ZFAND3: variants seen among roughly 807,000 people sequenced by gnomAD.
ZFAND3 encodes the protein zinc finger AN1-type containing 3.
A neutral mutation model predicts 29.6 loss-of-function variants in ZFAND3; 10 were observed. That is an observed-to-expected ratio of 0.34 (90% CI 0.21 to 0.57). The LOEUF is 0.57. Among genes scored for constraint, ZFAND3 ranks in the 20% least tolerant of loss-of-function variants. ZFAND3 has a pLI of 0.86. For missense variants in ZFAND3, 230 were observed against 304.5 expected (o/e 0.76, Z 1.82); for synonymous variants, 128 against 112.6 (o/e 1.14, Z -0.87).
chr6:37,827,517 G>T (rs1166874018), intron 1 of ZFAND3, among the ~76,000 whole-genome samples: 1 of 152,114 alleles, frequency 6.6e-6, no homozygotes, highest in African/African-American at 2.4e-5. Flanking sequence ...ATGTGATTAG[G>T]GATAAGTGCA....
intron 2 of ZFAND3, among the ~76,000 whole-genome samples, chr6:38,057,028 A>G (rs1207466246): frequency 6.6e-6 from 1 of 152,110 alleles, no homozygotes; most frequent in Middle Eastern, 3.2e-3. Context: ...TGGATATACC[A>G]TTAACTAACT....
chr6:37,961,315 G>A (rs922254419), intron 2 of ZFAND3, among the ~76,000 whole-genome samples: 2 of 152,220 alleles, frequency 1.3e-5, no homozygotes, highest in African/African-American at 4.8e-5. Flanking sequence ...CTTGTGGTTT[G>A]GTTGCCAGCT....
chr6:38,031,417 A>G (rs896446553), intron 2 of ZFAND3, among the ~76,000 whole-genome samples: 2 of 152,196 alleles, frequency 1.3e-5, no homozygotes, highest in South Asian at 2.1e-4. Context: ...TGACCCCACT[A>G]TGCTCAGCCA....
chr6:37,873,074 C>T (rs533562233), intron 1 of ZFAND3, among the ~76,000 whole-genome samples: 30 of 152,176 alleles, frequency 2.0e-4, no homozygotes, highest in Admixed American at 5.9e-4. Flanking sequence ...TTGGCTAACA[C>T]GGTGAAACAC....
chr6:38,139,535 A>T (rs58003999), intron 5 of ZFAND3, among the ~76,000 whole-genome samples: 10,480 of 152,244 alleles, frequency 0.069, 431 homozygotes, highest in Non-Finnish European at 0.088. Flanking sequence ...AGGCCTGAGT[A>T]AGCAAGAATT....
At chr6:37,837,245 A>T (rs750744971) in intron 1 of ZFAND3, among the ~76,000 whole-genome samples, 11 of 152,226 alleles carry the variant, frequency 7.2e-5, no homozygotes, top group Non-Finnish European at 5.9e-5. Flanking sequence ...TTTATTCATG[A>T]CATGTGCTGT....
intron 2 of ZFAND3, among the ~76,000 whole-genome samples, chr6:37,971,127 T>C (rs1304710593): frequency 6.6e-6 from 1 of 152,354 alleles, no homozygotes; most frequent in East Asian, 1.9e-4. Context: ...TGTTTGATTG[T>C]AATTTTTTAG....
chr6:38,143,523 A>G (rs565654336), intron 5 of ZFAND3, among the ~76,000 whole-genome samples: 1 of 152,232 alleles, frequency 6.6e-6, no homozygotes, highest in Non-Finnish European at 1.5e-5. Context: ...CATGTAACTG[A>G]TATTTTAATT....
At chr6:38,052,918 C>T (rs1477267448) in intron 2 of ZFAND3, among the ~76,000 whole-genome samples, 1 of 151,874 alleles carries the variant, frequency 6.6e-6, no homozygotes, top group Non-Finnish European at 1.5e-5. Context: ...CCTGCAATCC[C>T]AGCTACTTGG....
intron 1 of ZFAND3, among the ~76,000 whole-genome samples, chr6:37,887,953 A>G (rs990640264): frequency 7.9e-5 from 12 of 152,178 alleles, no homozygotes; most frequent in African/African-American, 1.4e-4. Context: ...TTTGACTTGT[A>G]TGTTCTCATC....
chr6:37,995,647 A>G (rs549524037), intron 2 of ZFAND3, among the ~76,000 whole-genome samples: 19 of 152,314 alleles, frequency 1.2e-4, no homozygotes, highest in Middle Eastern at 3.4e-3. Flanking sequence ...GGGAAATACA[A>G]AGATGAGTAA....
At chr6:38,008,488 G>C (rs1763087902) in intron 2 of ZFAND3, among the ~76,000 whole-genome samples, 1 of 152,130 alleles carries the variant, frequency 6.6e-6, no homozygotes, top group Non-Finnish European at 1.5e-5. Flanking sequence ...ACAAAAGTTG[G>C]AATCTGTCTT....
In ZFAND3 at chr6:37,836,564, G is replaced by A. The variant is rs574576401; in HGVS notation, c.71+16548G>A. Among the ~76,000 whole-genome samples the A allele has an allele frequency of 8.5e-5, 13 of 152,288 alleles. No homozygotes were observed. The South Asian group carries it at 1.0e-3, about 12-fold the overall frequency. ...CCTTGAAGGTCCTAGAAGAACTTGAGTAATGCTTTTAAAGTCATGTTAGTG... is the reference window on the plus strand; with the variant it reads ...CCTTGAAGGTCCTAGAAGAACTTGAATAATGCTTTTAAAGTCATGTTAGTG... On this transcript the variant is annotated intron_variant, in intron 1 of 5. Coordinates refer to ENST00000287218, the MANE Select transcript of ZFAND3 (RefSeq NM_021943.3).
chr6:37,835,022 A>G lies in ZFAND3; in HGVS notation c.71+15006A>G, dbSNP rs57198506. Among the ~76,000 whole-genome samples the G allele has an allele frequency of 0.017, 2,583 of 152,106 alleles. 251 individuals carry two copies. In the East Asian group the frequency reaches 0.28, roughly 16 times the overall value. ...TTATTGCATTTTTCTTTTAATTTAT[A>G]TTTCTCTGATGACTAACAAAATAGA... On this transcript the variant is annotated intron_variant, in intron 1 of 5. Transcript: ENST00000287218.
At chr6:37,850,976 C>T (rs531004863) in intron 1 of ZFAND3, among the ~76,000 whole-genome samples, 118 of 151,402 alleles carry the variant, frequency 7.8e-4, no homozygotes, top group African/African-American at 2.6e-3. Flanking sequence ...TCTGTCTTGT[C>T]TCTCCCTCCT....
intron 1 of ZFAND3, among the ~76,000 whole-genome samples, chr6:37,853,946 T>A (rs79958946): frequency 0.065 from 9,947 of 152,176 alleles, 439 homozygotes; most frequent in Middle Eastern, 0.1. Context: ...TTTGCCTTTT[T>A]AAAAAATTTT....
At chr6:37,902,593 A>G (rs759270715) in intron 1 of ZFAND3, among the ~76,000 whole-genome samples, 25 of 152,202 alleles carry the variant, frequency 1.6e-4, no homozygotes, top group Non-Finnish European at 3.5e-4. Flanking sequence ...AGACCCTTCT[A>G]GTTCTTGTCT....
intron 2 of ZFAND3, among the ~76,000 whole-genome samples, chr6:38,033,510 G>A (rs970372539): frequency 6.6e-6 from 1 of 152,070 alleles, no homozygotes; most frequent in East Asian, 1.9e-4. Context: ...TGGCCTGCAG[G>A]CTGCTTTAAC....
chr6:37,854,467 G>A (rs1439617942), intron 1 of ZFAND3, among the ~76,000 whole-genome samples: 1 of 152,150 alleles, frequency 6.6e-6, no homozygotes, highest in African/African-American at 2.4e-5. Context: ...TGTTGGAGGT[G>A]GTGATGGATC....
Sources: allele counts gnomAD v4.1 joint callset (sites outside exome capture counted in the v4.1 genomes callset), GRCh38; gene constraint gnomAD v4.1.1; transcripts MANE v1.5; gene names NCBI Gene and HGNC (gene_info 2026-07-23, HGNC 2026-07-21).